The following SLC10A7 variants were observed in gnomAD, a reference collection of about 807,000 sequenced individuals.
The protein encoded by SLC10A7 is sodium/bile acid cotransporter 7.
A neutral mutation model predicts 43.2 loss-of-function variants in SLC10A7; 29 were observed. That is an observed-to-expected ratio of 0.67 (90% CI 0.50 to 0.92). The LOEUF (loss-of-function observed/expected upper bound fraction) is 0.92, where lower values mean the gene tolerates loss of function less well. Ranked by LOEUF, SLC10A7 falls within the 40% of genes least tolerant of loss-of-function variation. The probability of loss-of-function intolerance (pLI) is 0.00; values close to 1 mark genes in which losing one functional copy is unlikely to be tolerated. For synonymous variants in SLC10A7, 152 were observed against 144.8 expected (o/e 1.05, Z -0.35); for missense variants, 295 against 403.2 (o/e 0.73, Z 2.30).
chr4:146,332,242 T>C (rs1475437320), intron 5 of SLC10A7, among the ~76,000 whole-genome samples: 2 of 152,210 alleles, frequency 1.3e-5, no homozygotes, highest in Non-Finnish European at 2.9e-5. Flanking sequence ...CGGTACACTA[T>C]TGTGAAGACA....
At chr4:146,378,068 G>T (rs4561947) in intron 5 of SLC10A7, among the ~76,000 whole-genome samples, 8,383 of 152,226 alleles carry the variant, frequency 0.055, 350 homozygotes, top group South Asian at 0.17. Flanking sequence ...AGGGCTACTG[G>T]AACAAAGGAA....
Position 146,517,035 on chromosome 4 carries a change from T to C in SLC10A7, c.183+3A>G. ...TTTTCATGTGTCCCATAGATGACAG[T>C]ACCTCTGTTTTCAATGATAGTCCAC... On this transcript the variant is annotated splice_donor_region_variant and intron_variant, in intron 2 of 11. Transcript: ENST00000335472. 6.3e-7 allele frequency: 1 copy of C among 1,591,366 alleles called. No homozygotes were observed. The highest frequency in any genetic ancestry group is 8.6e-7 in the Non-Finnish European group (1 of 1,166,254).
chr4:146,362,562 T>C (rs1250955108), intron 5 of SLC10A7, among the ~76,000 whole-genome samples: 1 of 152,078 alleles, frequency 6.6e-6, no homozygotes, highest in Non-Finnish European at 1.5e-5. Flanking sequence ...AAATACAGAA[T>C]ACTCTAATAA....
rs1412965521 is a variant in SLC10A7 at position 146,353,971 on chromosome 4, C to G, written c.436-27975G>C. On this transcript the variant is annotated intron_variant, in intron 5 of 11. Coordinates refer to ENST00000335472, the MANE Select transcript of SLC10A7 (RefSeq NM_001029998.6). The stretch of plus-strand genomic sequence containing the variant: ...AAACTGGAAGCATTCCCTTTGAAAA[C>G]TGGCACAAGACAGGGATGCCCTCTT... Among the ~76,000 whole-genome samples the G allele has an allele frequency of 1.4e-4, 20 of 146,336 alleles. No individual in the cohort carries two copies. In the East Asian group the frequency reaches 3.4e-3, roughly 25 times the overall value.
At chr4:146,386,817 A>G (rs865896087) in intron 5 of SLC10A7, among the ~76,000 whole-genome samples, 38 of 152,170 alleles carry the variant, frequency 2.5e-4, no homozygotes, top group African/African-American at 9.2e-4. Flanking sequence ...TCTTGGAAGG[A>G]CAATTATTTG....
chr4:146,397,260 A>G (rs1025364894), intron 5 of SLC10A7, among the ~76,000 whole-genome samples: 1 of 152,206 alleles, frequency 6.6e-6, no homozygotes, highest in Non-Finnish European at 1.5e-5. Context: ...TGTGTATTAA[A>G]TAACGCTCAT....
intron 4 of SLC10A7, among the ~76,000 whole-genome samples, chr4:146,502,639 C>T (rs1681635120): frequency 2.0e-5 from 3 of 152,116 alleles, no homozygotes; most frequent in Non-Finnish European, 4.4e-5. Flanking sequence ...AATGGATAAA[C>T]AATTTGTAGT....
intron 9 of SLC10A7, among the ~76,000 whole-genome samples, chr4:146,287,103 C>T (rs1443164638): frequency 1.8e-5 from 2 of 108,800 alleles, no homozygotes; most frequent in African/African-American, 3.6e-5. Context: ...TGAGAAGGAC[C>T]GAGTCTGGAG....
chr4:146,507,560 AAAAAAT>A (rs1192313175), intron 3 of SLC10A7, among the ~76,000 whole-genome samples: 4 of 152,090 alleles, frequency 2.6e-5, no homozygotes, highest in African/African-American at 2.4e-5. Flanking sequence ...ACTCTGTCTC[AAAAAAT>A]AAAAATAAAA....
chr4:146,277,848 T>G (rs1578766229), intron 10 of SLC10A7, among the ~76,000 whole-genome samples: 1 of 107,906 alleles, frequency 9.3e-6, no homozygotes, highest in Non-Finnish European at 1.9e-5. Flanking sequence ...ACTTTTTATT[T>G]TATTAATAAT....
At chr4:146,369,296 G>A (rs1325728231) in intron 5 of SLC10A7, among the ~76,000 whole-genome samples, 2 of 152,122 alleles carry the variant, frequency 1.3e-5, no homozygotes, top group Admixed American at 6.6e-5. Context: ...TTCTCCACAA[G>A]TTAGTGTTAT....
chr4:146,284,512 G>A (rs72727996), intron 9 of SLC10A7, among the ~76,000 whole-genome samples: 6,795 of 152,108 alleles, frequency 0.045, 183 homozygotes, highest in Middle Eastern at 0.085. Flanking sequence ...TGTGTCAAGA[G>A]AATATTTAAA....
At chr4:146,321,885 A>T (rs1732732382) in intron 6 of SLC10A7, among the ~76,000 whole-genome samples, 1 of 152,214 alleles carries the variant, frequency 6.6e-6, no homozygotes, top group Non-Finnish European at 1.5e-5. Flanking sequence ...AAAATGCATG[A>T]CAACCTAAAC....
At chr4:146,426,045 A>G (rs1215917396) in intron 5 of SLC10A7, among the ~76,000 whole-genome samples, 2 of 152,244 alleles carry the variant, frequency 1.3e-5, no homozygotes, top group Admixed American at 1.3e-4. Context: ...CACAATTAGT[A>G]AATTGGCAAT....
chr4:146,500,897 A>C (rs1244445923), intron 4 of SLC10A7, among the ~76,000 whole-genome samples: 2 of 152,192 alleles, frequency 1.3e-5, no homozygotes, highest in African/African-American at 4.8e-5. Flanking sequence ...TTAGTGGCTA[A>C]TCTTCAGAAT....
intron 5 of SLC10A7, among the ~76,000 whole-genome samples, chr4:146,339,728 T>C (rs1734124646): frequency 6.6e-6 from 1 of 151,914 alleles, no homozygotes; most frequent in South Asian, 2.1e-4. Flanking sequence ...AAGCCTAATC[T>C]ACCAGATAAG....
chr4:146,407,910 C>T (rs1727850461), intron 5 of SLC10A7, among the ~76,000 whole-genome samples: 1 of 152,098 alleles, frequency 6.6e-6, no homozygotes, highest in South Asian at 2.1e-4. Context: ...TTCTGTTCAC[C>T]CTCAGGATGT....
chr4:146,497,461 A>C (rs1735999045), intron 4 of SLC10A7, among the ~76,000 whole-genome samples: 1 of 152,076 alleles, frequency 6.6e-6, no homozygotes, highest in Non-Finnish European at 1.5e-5. Context: ...ACACTCCTTA[A>C]TTATATTTCT....
At chr4:146,306,103 G>A (rs988172134) in intron 6 of SLC10A7, 94 bp from the exon 7 acceptor site, 89 of 1,005,422 alleles carry the variant, frequency 8.9e-5, no homozygotes, top group East Asian at 1.6e-4. Context: ...TTTCTCAGGC[G>A]CACCAAAAAT....
Sources: allele counts gnomAD v4.1 joint callset (sites outside exome capture counted in the v4.1 genomes callset), GRCh38; gene constraint gnomAD v4.1.1; transcripts MANE v1.5; gene names NCBI Gene and HGNC (gene_info 2026-07-23, HGNC 2026-07-21).